CXCL13: variants seen among roughly 807,000 people sequenced by gnomAD.
CXCL13 encodes the protein C-X-C motif chemokine ligand 13.
A neutral mutation model predicts 12.2 loss-of-function variants in CXCL13; 7 were observed. The ratio of observed to expected loss-of-function variants is 0.57; its 90% CI spans 0.33 to 1.07. The LOEUF is 1.07. CXCL13 is among the 50% of genes least tolerant of loss of function. CXCL13 has a pLI of 0.04. For synonymous variants in CXCL13, 47 were observed against 42.4 expected (o/e 1.11, Z -0.42); for missense variants, 113 against 127.4 (o/e 0.89, Z 0.55).
At chr4:77,539,155 C>T (rs956579637) in intron 1 of CXCL13, among the ~76,000 whole-genome samples, 2 of 151,772 alleles carry the variant, frequency 1.3e-5, no homozygotes, top group African/African-American at 4.8e-5. Flanking sequence ...ACCTCTGCCT[C>T]CTGGCTCAAG....
chr4:77,549,846 T>C (rs1725462997), intron 1 of CXCL13, among the ~76,000 whole-genome samples: 1 of 152,202 alleles, frequency 6.6e-6, no homozygotes, highest in Non-Finnish European at 1.5e-5. Flanking sequence ...TCAAACTCCA[T>C]GCTGGGAGAA....
intron 1 of CXCL13, among the ~76,000 whole-genome samples, chr4:77,536,657 T>G (rs897501948): frequency 2.6e-5 from 4 of 152,204 alleles, no homozygotes; most frequent in African/African-American, 9.6e-5. Flanking sequence ...CATTAGCCAT[T>G]ATTATAACAC....
At chr4:77,602,118 G>A (rs1367594465), upstream of CXCL13, among the ~76,000 whole-genome samples, 2 of 152,186 alleles carry the variant, frequency 1.3e-5, no homozygotes, top group African/African-American at 4.8e-5. Flanking sequence ...TTTAATCACT[G>A]TGAAACTCTA....
intron 1 of CXCL13, among the ~76,000 whole-genome samples, chr4:77,522,375 G>A (rs560191354): frequency 6.6e-6 from 1 of 151,878 alleles, no homozygotes; most frequent in Non-Finnish European, 1.5e-5. Context: ...CTCCTGTATT[G>A]GGTGCATATA....
chr4:77,587,895 ACTC>A (rs1269664473), intron 1 of CXCL13, among the ~76,000 whole-genome samples: 6 of 152,136 alleles, frequency 3.9e-5, no homozygotes, highest in Non-Finnish European at 4.4e-5. Context: ...GCCAGAAACA[ACTC>A]CTGCTCCTGG....
At chr4:77,553,470 C>G (rs1408164560) in intron 1 of CXCL13, among the ~76,000 whole-genome samples, 1 of 152,242 alleles carries the variant, frequency 6.6e-6, no homozygotes, top group Admixed American at 6.5e-5. Context: ...TCCCTCATAG[C>G]ACCTTCAAGC....
At chr4:77,595,859 C>T (rs1164334559) in intron 1 of CXCL13, among the ~76,000 whole-genome samples, 2 of 152,152 alleles carry the variant, frequency 1.3e-5, no homozygotes, top group Admixed American at 1.3e-4. Context: ...ACTCTCTCCC[C>T]AGTTTTCTGT....
intron 1 of CXCL13, among the ~76,000 whole-genome samples, chr4:77,543,134 T>C (rs1018050744): frequency 1.3e-5 from 2 of 152,176 alleles, no homozygotes; most frequent in African/African-American, 4.8e-5. Context: ...TTCCATATTT[T>C]CTAGTCTGTA....
intron 1 of CXCL13, 25 bp from the exon 2 acceptor site, chr4:77,607,678 T>G (rs771506112): frequency 6.3e-7 from 1 of 1,584,798 alleles, no homozygotes; most frequent in South Asian, 1.2e-5. Context: ...TGGATTAAAA[T>G]AACTGATTCT....
chr4:77,582,189 G>T (rs1028162535), intron 1 of CXCL13, among the ~76,000 whole-genome samples: 1 of 152,076 alleles, frequency 6.6e-6, no homozygotes, highest in Admixed American at 6.5e-5. Context: ...CCTCAAGGAT[G>T]AATACCCCCT....
At chr4:77,545,198 T>A (rs2109803414) in intron 1 of CXCL13, among the ~76,000 whole-genome samples, 1 of 152,326 alleles carries the variant, frequency 6.6e-6, no homozygotes, top group East Asian at 1.9e-4. Flanking sequence ...CCAGCTTTGT[T>A]CTTTTGGCTT....
intron 1 of CXCL13, among the ~76,000 whole-genome samples, chr4:77,597,138 A>G (rs529784209): frequency 6.6e-6 from 1 of 152,340 alleles, no homozygotes; most frequent in African/African-American, 2.4e-5. Context: ...AGTAGTGGTT[A>G]TCAAGGGTGA....
Position 77,527,846 on chromosome 4 carries a change from G to A in CXCL13, c.-43+16058G>A, listed in dbSNP as rs546572582. ...CATAACGTGCAGGTTAGTTACATAT[G>A]TATACATGTGCCATGTTGGTGTGTT... On this transcript the variant is annotated intron_variant, in intron 1 of 4. Transcript: ENST00000286758. Among the ~76,000 whole-genome samples, 41 of 152,138 alleles carry A rather than the reference G, an allele frequency of 2.7e-4. 1 individual carries two copies. The South Asian group carries it at 8.1e-3, about 30-fold the overall frequency.
At chr4:77,543,013 G>C (rs1578045480) in intron 1 of CXCL13, among the ~76,000 whole-genome samples, 1 of 152,014 alleles carries the variant, frequency 6.6e-6, no homozygotes, top group Non-Finnish European at 1.5e-5. Context: ...CAGTTGGTAG[G>C]TTTTTTATTA....
rs78606739 is a variant in CXCL13, at chr4:77,534,537, T to G, written c.-43+22749T>G. On this transcript the variant is annotated intron_variant, in intron 1 of 4. Transcript: ENST00000286758. ...ACTTATGTGTCATTGGGAGAAACAG[T>G]GAAATGCACATGAGATCTCTTAATA... 1.7e-3 allele frequency among the ~76,000 whole-genome samples: 260 copies of G among 152,362 alleles called. 1 individual carries two copies. Among genetic ancestry groups the G allele is most frequent in the African/African-American group, 6.0e-3 (249 of 41,586 alleles).
chr4:77,570,470 C>T (rs181013299), intron 1 of CXCL13, among the ~76,000 whole-genome samples: 138 of 152,304 alleles, frequency 9.1e-4, no homozygotes, highest in African/African-American at 3.2e-3. Flanking sequence ...GTGGCTCATG[C>T]CTGTAATCCC....
chr4:77,580,419 C>T (rs529177105), intron 1 of CXCL13, among the ~76,000 whole-genome samples: 23 of 143,426 alleles, frequency 1.6e-4, no homozygotes, highest in South Asian at 6.7e-4. Flanking sequence ...CTCTGCCTCC[C>T]GGGTTCAAGC....
rs185389399 is a variant in CXCL13 at position 77,544,951 on chromosome 4, A to G, written c.-43+33163A>G. ...AGGGGTAAGGAAGGGATCCAGCTTC[A>G]GCTTTCTACATATGGCTAGGCAGTT... On this transcript the variant is annotated intron_variant, in intron 1 of 4. Coordinates refer to the CXCL13 transcript ENST00000286758. Among the ~76,000 whole-genome samples, 325 of 152,320 alleles carry G rather than the reference A, an allele frequency of 2.1e-3. 2 individuals are homozygous for G. The highest frequency in any genetic ancestry group is 7.5e-3 in the African/African-American group (313 of 41,572).
At chr4:77,581,832 C>T (rs1726340900) in intron 1 of CXCL13, among the ~76,000 whole-genome samples, 1 of 152,172 alleles carries the variant, frequency 6.6e-6, no homozygotes, top group Admixed American at 6.5e-5. Flanking sequence ...TTTCTGAAGT[C>T]AGCTGTCTCA....
Sources: gnomAD v4.1 joint callset for allele counts (sites outside exome capture counted in the v4.1 genomes callset) on GRCh38, gnomAD v4.1.1 for gene constraint, MANE v1.5 for transcripts, NCBI Gene and HGNC (gene_info 2026-07-23, HGNC 2026-07-21) for gene names.